The following FAM135A variants were observed in gnomAD, a reference collection of about 807,000 sequenced individuals.
FAM135A encodes the protein family with sequence similarity 135 member A.
In FAM135A, 79 loss-of-function variants were observed where a neutral mutation model predicts 146.8. The observed-to-expected ratio is 0.54, with a 90% confidence interval of 0.45 to 0.65. The LOEUF (loss-of-function observed/expected upper bound fraction) is 0.65, where lower values mean the gene tolerates loss of function less well. Among genes scored for constraint, FAM135A ranks in the 30% least tolerant of loss-of-function variants. The probability of loss-of-function intolerance (pLI) is 0.00; values close to 1 mark genes in which losing one functional copy is unlikely to be tolerated. For missense variants in FAM135A, 1,623 were observed against 1,758.2 expected (o/e 0.92, Z 1.38); for synonymous variants, 562 against 603.6 (o/e 0.93, Z 1.01).
chr6:70,441,321 G>T (rs1348697588), intron 4 of FAM135A, among the ~76,000 whole-genome samples: 1 of 152,134 alleles, frequency 6.6e-6, no homozygotes, highest in Admixed American at 6.5e-5. Context: ...CTCAGAGGTG[G>T]AGGTTGCTGT....
intron 21 of FAM135A, among the ~76,000 whole-genome samples, chr6:70,558,086 G>A (rs990739661): frequency 5.3e-5 from 8 of 152,184 alleles, no homozygotes; most frequent in African/African-American, 1.4e-4. Context: ...ATCAAATGAT[G>A]AAGACATGTT....
intron 4 of FAM135A, among the ~76,000 whole-genome samples, chr6:70,450,917 CTT>C (rs777443447): frequency 2.0e-5 from 3 of 150,390 alleles, no homozygotes; most frequent in Non-Finnish European, 3.0e-5. Flanking sequence ...AATTTTTTGT[CTT>C]TTTAGTAGAG....
At chr6:70,557,691 T>C (rs1801124497) in intron 21 of FAM135A, 1 of 77,444 alleles carries the variant, frequency 1.3e-5, no homozygotes, top group Admixed American at 1.5e-4. Flanking sequence ...CGAAACTCTG[T>C]CTCAAAAAAA....
intron 13 of FAM135A, among the ~76,000 whole-genome samples, chr6:70,523,222 G>A (rs568795120): frequency 3.7e-4 from 56 of 152,024 alleles, no homozygotes; most frequent in Non-Finnish European, 6.5e-4. Flanking sequence ...AAGACATGAG[G>A]GAACCATCTG....
chr6:70,429,918 G>C (rs1446245783), intron 4 of FAM135A, among the ~76,000 whole-genome samples: 3 of 149,036 alleles, frequency 2.0e-5, no homozygotes, highest in Admixed American at 1.3e-4. Context: ...TTTTTGCCTT[G>C]ACCTTGCCAT....
chr6:70,469,742 A>C (rs1038178317), intron 5 of FAM135A, among the ~76,000 whole-genome samples: 2 of 152,150 alleles, frequency 1.3e-5, no homozygotes, highest in Non-Finnish European at 2.9e-5. Context: ...AAAAAAAGAG[A>C]CGAAAAAGGG....
In FAM135A at chr6:70,502,715, G is replaced by T; in HGVS notation, c.953G>T (p.Trp318Leu). 6.2e-7 allele frequency: 1 copy of T among 1,613,248 alleles called. No homozygotes were observed. ...CTTTGCTCACTTTTGATGGCTTTAT[G>T]GGGACAGTTTCTGGAAGTTATAACG... ...AQLCSLLMALWGQFLEVITLH... is the reference protein window; with the variant it reads ...AQLCSLLMALLGQFLEVITLH... Residue 318 changes from tryptophan to leucine, a missense_variant, in exon 12 of 22, where the codon TGG becomes TTG. This residue lies in a region of FAM135A where 206 missense variants were observed against 194.7 expected (regional missense o/e 1.06). Coordinates refer to ENST00000418814, the MANE Select transcript of FAM135A (RefSeq NM_001162529.3).
chr6:70,415,813 T>G (rs1767429171), intron 2 of FAM135A, among the ~76,000 whole-genome samples: 1 of 152,186 alleles, frequency 6.6e-6, no homozygotes, highest in South Asian at 2.1e-4. Context: ...TGAACTCTTA[T>G]GATGACTCAT....
intron 4 of FAM135A, 101 bp downstream of exon 4, chr6:70,428,520 A>G (rs1770729572): frequency 1.5e-6 from 1 of 657,524 alleles, no homozygotes; most frequent in South Asian, 3.2e-5. Context: ...AAGGAAAACA[A>G]TGAACTATAT....
chr6:70,430,685 A>G (rs948940802), intron 4 of FAM135A, among the ~76,000 whole-genome samples: 1 of 152,224 alleles, frequency 6.6e-6, no homozygotes. Context: ...GTCTGCTTAC[A>G]TCTTAATTCT....
chr6:70,416,120 A>G (rs1045803257), intron 2 of FAM135A, among the ~76,000 whole-genome samples: 9 of 152,202 alleles, frequency 5.9e-5, no homozygotes, highest in African/African-American at 1.7e-4. Flanking sequence ...CTAATGTACT[A>G]GATAGATGTA....
At position 70,426,196 on chromosome 6, in the gene FAM135A, A is replaced by T. The variant is rs535014173; in HGVS notation, c.-133-243A>T. 4.6e-5 allele frequency among the ~76,000 whole-genome samples: 7 copies of T among 152,014 alleles called. No individual in the cohort carries two copies. The East Asian group carries it at 1.3e-3, about 29-fold the overall frequency. ...AGGGTTCCTACTGAACTAAGAAAGT[A>T]CTCTATTTGTTATTGTACTTTGAAT... On this transcript the variant is annotated intron_variant, in intron 2 of 21. Coordinates refer to ENST00000418814, the MANE Select transcript of FAM135A (RefSeq NM_001162529.3).
At chr6:70,469,582 A>G (rs1276464638) in intron 5 of FAM135A, among the ~76,000 whole-genome samples, 1 of 152,186 alleles carries the variant, frequency 6.6e-6, no homozygotes, top group Non-Finnish European at 1.5e-5. Context: ...GTTGTGAGGC[A>G]TAGAAAAGAA....
intron 12 of FAM135A, among the ~76,000 whole-genome samples, chr6:70,512,399 T>G (rs922671677): frequency 6.6e-6 from 1 of 151,874 alleles, no homozygotes; most frequent in Non-Finnish European, 1.5e-5. Flanking sequence ...AATTGCTTGG[T>G]CATTGGGTAG....
intron 12 of FAM135A, among the ~76,000 whole-genome samples, chr6:70,510,232 GT>G (rs1790687274): frequency 9.5e-6 from 1 of 104,728 alleles, no homozygotes; most frequent in Non-Finnish European, 1.8e-5. Flanking sequence ...ATAGGTAACT[GT>G]TTCCTAAGAT....
chr6:70,513,580 G>A (rs1052397038), intron 12 of FAM135A, among the ~76,000 whole-genome samples: 54 of 151,682 alleles, frequency 3.6e-4, no homozygotes, highest in African/African-American at 1.3e-3. Flanking sequence ...TAGTTTTTAT[G>A]CCTGAAGTTT....
intron 4 of FAM135A, among the ~76,000 whole-genome samples, chr6:70,451,844 A>G (rs948490978): frequency 6.6e-6 from 1 of 152,072 alleles, no homozygotes; most frequent in Non-Finnish European, 1.5e-5. Flanking sequence ...TGTATCCTCC[A>G]TTACATACAC....
intron 10 of FAM135A, among the ~76,000 whole-genome samples, chr6:70,489,866 G>A (rs1030225364): frequency 2.6e-5 from 4 of 152,070 alleles, no homozygotes; most frequent in African/African-American, 9.7e-5. Flanking sequence ...TTGGAGGAGT[G>A]CACATGCTTC....
intron 4 of FAM135A, among the ~76,000 whole-genome samples, chr6:70,448,958 T>C (rs1014512566): frequency 6.6e-6 from 1 of 152,208 alleles, no homozygotes; most frequent in Non-Finnish European, 1.5e-5. Context: ...CTGGGTGTTA[T>C]GGCCATCACA....
Sources: gnomAD v4.1 joint callset for allele counts (sites outside exome capture counted in the v4.1 genomes callset) on GRCh38, gnomAD v4.1.1 for gene constraint, gnomAD v4.1.1 regional missense constraint, MANE v1.5 for transcripts, NCBI Gene and HGNC (gene_info 2026-07-23, HGNC 2026-07-21) for gene names.